The following NRXN3 variants were observed in gnomAD, a reference collection of about 807,000 sequenced individuals.
NRXN3 encodes neurexin III.
In NRXN3, 32 loss-of-function variants were observed where a neutral mutation model predicts 137.6. The observed-to-expected ratio is 0.23, with a 90% CI of 0.18 to 0.31. The LOEUF (loss-of-function observed/expected upper bound fraction) is 0.31, where lower values mean the gene tolerates loss of function less well. Among genes scored for constraint, NRXN3 ranks in the 10% least tolerant of loss-of-function variants. NRXN3 has a pLI of 1.00. For synonymous variants in NRXN3, 798 were observed against 784.5 expected (o/e 1.02, Z -0.29); for missense variants, 1,574 against 2,062.5 (o/e 0.76, Z 4.59).
chr14:79,782,117 G>A (rs1340426940), intron 19 of NRXN3, among the ~76,000 whole-genome samples: 1 of 152,154 alleles, frequency 6.6e-6, no homozygotes, highest in Admixed American at 6.5e-5. Context: ...AATGCTCGAA[G>A]TATTAAGTGT....
At chr14:78,971,573 C>T (rs2099440738) in intron 14 of NRXN3, among the ~76,000 whole-genome samples, 1 of 152,002 alleles carries the variant, frequency 6.6e-6, no homozygotes, top group African/African-American at 2.4e-5. Context: ...TATATCAGAC[C>T]CATGACAGCA....
chr14:79,788,070 G>T (rs866670771), intron 19 of NRXN3, among the ~76,000 whole-genome samples: 1 of 152,090 alleles, frequency 6.6e-6, no homozygotes, highest in Non-Finnish European at 1.5e-5. Context: ...TGACTGGGGG[G>T]GCCTCACAAT....
At chr14:79,450,587 G>A (rs546069252) in intron 15 of NRXN3, among the ~76,000 whole-genome samples, 4 of 152,096 alleles carry the variant, frequency 2.6e-5, no homozygotes, top group South Asian at 4.2e-4. Context: ...GGCCAGGGGC[G>A]GTGGCTCACG....
At chr14:79,697,536 G>T in intron 18 of NRXN3, 94 bp from the exon 19 acceptor site, 1 of 1,361,768 alleles carries the variant, frequency 7.3e-7, no homozygotes, top group Non-Finnish European at 1.0e-6. Context: ...ATTGCTCAAG[G>T]AAGCCTGTTA....
intron 16 of NRXN3, among the ~76,000 whole-genome samples, chr14:79,588,469 A>AG (rs1222240460): frequency 6.6e-6 from 1 of 152,188 alleles, no homozygotes; most frequent in Non-Finnish European, 1.5e-5. Context: ...TTTAATCAGG[A>AG]GGGAAAAAAA....
At chr14:79,034,236 A>G (rs1205368156) in intron 15 of NRXN3, among the ~76,000 whole-genome samples, 3 of 152,034 alleles carry the variant, frequency 2.0e-5, no homozygotes, top group East Asian at 1.9e-4. Flanking sequence ...CCCTGAGTAG[A>G]GGCCACTTCA....
intron 20 of NRXN3, among the ~76,000 whole-genome samples, chr14:79,827,861 A>C (rs1291264744): frequency 6.6e-6 from 1 of 151,984 alleles, no homozygotes; most frequent in African/African-American, 2.4e-5. Context: ...CACCCAGGCT[A>C]ATTTTTCTAT....
intron 16 of NRXN3, among the ~76,000 whole-genome samples, chr14:79,632,624 T>C (rs2098366244): frequency 1.3e-5 from 2 of 152,212 alleles, no homozygotes; most frequent in Admixed American, 6.5e-5. Context: ...AAACAAATTA[T>C]ATCTCTGTCT....
At chr14:78,356,717 C>T (rs2084357911) in intron 4 of NRXN3, among the ~76,000 whole-genome samples, 2 of 152,264 alleles carry the variant, frequency 1.3e-5, no homozygotes, top group Admixed American at 6.5e-5. Flanking sequence ...GTGTATTGTA[C>T]CAAATGGGAC....
rs553817393 is a variant in NRXN3 at position 79,597,205 on chromosome 14, A to T, written c.3445-66573A>T. Among the ~76,000 whole-genome samples, 101 of 152,286 alleles carry T rather than the reference A, an allele frequency of 6.6e-4. 1 individual carries two copies. The Middle Eastern group carries it at 0.024, about 36-fold the overall frequency. On this transcript the variant is annotated intron_variant, in intron 16 of 20. Transcript: ENST00000335750. ...TCTAGCACTAATCCCTTAATACACC[A>T]TTATATTTGGGTACATTTTTTTTCC... is the stretch of plus-strand genomic sequence containing the variant.
At chr14:78,824,339 T>C (rs1161811690) in intron 10 of NRXN3, among the ~76,000 whole-genome samples, 1 of 152,134 alleles carries the variant, frequency 6.6e-6, no homozygotes, top group African/African-American at 2.4e-5. Flanking sequence ...TTTAGTTATC[T>C]ATTCTTTATT....
intron 4 of NRXN3, among the ~76,000 whole-genome samples, chr14:78,496,326 A>G (rs998512393): frequency 6.6e-6 from 1 of 152,168 alleles, no homozygotes; most frequent in African/African-American, 2.4e-5. Context: ...ACAGTTGTAG[A>G]TTTGAAAAAA....
intron 15 of NRXN3, among the ~76,000 whole-genome samples, chr14:79,437,705 G>T (rs866699402): frequency 3.9e-5 from 6 of 152,138 alleles, no homozygotes; most frequent in Admixed American, 2.0e-4. Flanking sequence ...GGGGTGATTT[G>T]AGCATGTGTA....
At chr14:79,063,841 G>T (rs1179882607) in intron 15 of NRXN3, among the ~76,000 whole-genome samples, 1 of 152,064 alleles carries the variant, frequency 6.6e-6, no homozygotes, top group East Asian at 1.9e-4. Context: ...TAACATGTTG[G>T]AATTGTGGGT....
chr14:78,573,125 T>C (rs967609159), intron 4 of NRXN3, among the ~76,000 whole-genome samples: 8 of 152,186 alleles, frequency 5.3e-5, no homozygotes. Flanking sequence ...CGTGAAGAGA[T>C]GCCTTCTGCC....
chr14:78,713,507 C>G (rs1470666529), intron 7 of NRXN3, among the ~76,000 whole-genome samples: 1 of 152,206 alleles, frequency 6.6e-6, no homozygotes, highest in South Asian at 2.1e-4. Context: ...GCACACCACC[C>G]ATTTTACTCT....
chr14:78,959,305 C>T (rs903474896), intron 11 of NRXN3, among the ~76,000 whole-genome samples: 5 of 152,170 alleles, frequency 3.3e-5, no homozygotes, highest in African/African-American at 1.2e-4. Context: ...GGTAAGTGTT[C>T]TTAATGCCAT....
At chr14:79,328,641 A>G (rs765987630) in intron 15 of NRXN3, among the ~76,000 whole-genome samples, 3 of 152,190 alleles carry the variant, frequency 2.0e-5, no homozygotes, top group Non-Finnish European at 2.9e-5. Flanking sequence ...AAAATGTTAA[A>G]TTATTAGCAT....
At chr14:79,545,213 T>C (rs2097308044) in intron 16 of NRXN3, among the ~76,000 whole-genome samples, 1 of 152,206 alleles carries the variant, frequency 6.6e-6, no homozygotes, top group Non-Finnish European at 1.5e-5. Context: ...ATGAGAGTTC[T>C]GAAGGTTAGA....
Sources: allele counts gnomAD v4.1 joint callset (sites outside exome capture counted in the v4.1 genomes callset), GRCh38; gene constraint gnomAD v4.1.1; transcripts MANE v1.5; gene names NCBI Gene and HGNC (gene_info 2026-07-23, HGNC 2026-07-21).